CLIP2: variants seen among roughly 807,000 people sequenced by gnomAD.
CLIP2 encodes CAP-Gly domain containing linker protein 2.
Under a neutral mutation model 111.7 loss-of-function variants are expected in CLIP2, and 41 were observed. That is an observed-to-expected ratio of 0.37 (90% CI 0.29 to 0.48). CLIP2 has a LOEUF of 0.48. Ranked by LOEUF, CLIP2 falls within the 20% of genes least tolerant of loss-of-function variation. CLIP2 has a pLI of 0.99. For missense variants in CLIP2, 1,160 were observed against 1,422.1 expected (o/e 0.82, Z 2.96); for synonymous variants, 660 against 644.2 (o/e 1.02, Z -0.37).
At position 74,372,953 on chromosome 7, in the gene CLIP2, G is replaced by A. The variant is rs782615936; in HGVS notation, c.1402G>A (p.Ala468Thr). The change falls in exon 9 of 17, where the codon GCG becomes ACG. Residue 468 changes from alanine (A) to threonine (T), a missense_variant. Transcript: ENST00000223398. ...DLETQTQLEH[A>T]RIGELEQSLL... is the part of the protein sequence containing the mutation. Reference sequence around the variant, plus strand: ...CCAGACCCAGACGCAGCTGGAGCACGCGCGCATTGGGGAGCTGGAACAGAG... The same window carrying A: ...CCAGACCCAGACGCAGCTGGAGCACACGCGCATTGGGGAGCTGGAACAGAG... 12 of 1,386,044 alleles carry A rather than the reference G, an allele frequency of 8.7e-6. No homozygotes were observed. The highest frequency in any genetic ancestry group is 4.9e-5 in the African/African-American group (3 of 61,790). The allele number at this position is 1,386,044 out of a possible 1,614,324, so 85.9% of individuals were successfully genotyped here.
chr7:74,337,530 G>A (rs1455971163), intron 2 of CLIP2, among the ~76,000 whole-genome samples: 1 of 152,068 alleles, frequency 6.6e-6, no homozygotes, highest in African/African-American at 2.4e-5. Context: ...TGTAATCCTT[G>A]AGAACGGGTT....
chr7:74,320,216 A>G (rs1226468741), intron 2 of CLIP2, among the ~76,000 whole-genome samples: 3 of 123,552 alleles, frequency 2.4e-5, no homozygotes, highest in Non-Finnish European at 3.5e-5. Context: ...AAAAAAAAAA[A>G]GAAAGAAAAA....
chr7:74,370,467 A>C (rs1790586179), intron 8 of CLIP2, among the ~76,000 whole-genome samples: 1 of 152,002 alleles, frequency 6.6e-6, no homozygotes, highest in Admixed American at 6.6e-5. Context: ...AAAAAAAAAA[A>C]AAAACTAATT....
chr7:74,305,908 C>T (rs942998365), intron 1 of CLIP2, among the ~76,000 whole-genome samples: 2 of 144,690 alleles, frequency 1.4e-5, no homozygotes, highest in Admixed American at 7.1e-5. Flanking sequence ...GCTCCCAGAG[C>T]GGTCTTGCTG....
intron 2 of CLIP2, among the ~76,000 whole-genome samples, chr7:74,319,643 C>T (rs543958896): frequency 2.6e-5 from 4 of 151,860 alleles, no homozygotes; most frequent in South Asian, 4.2e-4. Context: ...CATAGTGAGA[C>T]CCCAGCTCTA....
chr7:74,375,888 T>G lies in CLIP2; in HGVS notation c.1487T>G (p.Leu496Arg). Residue 496 changes from leucine (L) to arginine (R), a missense_variant and splice_region_variant, in exon 10 of 17, where the codon CTG (leucine) becomes CGG (arginine). By Grantham distance (102) the Leu-to-Arg change is moderately radical. Transcript: ENST00000223398. ...RLLRELADNRLTTVAEKSRVL... is the reference protein window; with the variant it reads ...RLLRELADNRRTTVAEKSRVL... ...CCCTGTCTCCCTCTCTCCCCACAGC[T>G]GACCACAGTGGCCGAGAAGTCGCGC... 1 of 1,541,748 alleles carries G rather than the reference T, an allele frequency of 6.5e-7. No homozygotes were observed. The highest frequency in any genetic ancestry group is 2.0e-5 in the Admixed American group (1 of 50,648).
rs116628179 is a variant in CLIP2, at chr7:74,318,221, G to A, written c.121+554G>A. 9.2e-3 allele frequency among the ~76,000 whole-genome samples: 1,393 copies of A among 152,174 alleles called. 25 individuals are homozygous for A. The highest frequency in any genetic ancestry group is 0.032 in the African/African-American group (1,313 of 41,546). On this transcript the variant is annotated intron_variant, in intron 2 of 16. Coordinates refer to ENST00000223398, the MANE Select transcript of CLIP2 (RefSeq NM_003388.5). ...CAAATGCTCAGAGGCAGAAAGGAGC[G>A]TCATGCGTACAGAAGAGGGAGAGAG...
At chr7:74,337,052 AT>A (rs1554732251) in intron 2 of CLIP2, among the ~76,000 whole-genome samples, 1 of 151,464 alleles carries the variant, frequency 6.6e-6, no homozygotes, top group African/African-American at 2.4e-5. Context: ...CATCCGGCTA[AT>A]TTTTTTGTAT....
At chr7:74,349,468 GTGTATATATATA>G (rs1358701318) in intron 3 of CLIP2, among the ~76,000 whole-genome samples, 40 of 61,778 alleles carry the variant, frequency 6.5e-4, no homozygotes, top group East Asian at 1.3e-3. Flanking sequence ...GTGTGTGTGT[GTGTATATATATA>G]TATATATATA....
chr7:74,382,620 C>T (rs1790978411), intron 11 of CLIP2, among the ~76,000 whole-genome samples: 1 of 151,456 alleles, frequency 6.6e-6, no homozygotes, highest in Non-Finnish European at 1.5e-5. Flanking sequence ...CTTCTATTTG[C>T]ATTTCTATTT....
chr7:74,397,928 A>G, intron 14 of CLIP2, among the ~76,000 whole-genome samples: 1 of 151,444 alleles, frequency 6.6e-6, no homozygotes. Flanking sequence ...CGGCCTCCCA[A>G]AGTGGTGGGA....
At chr7:74,342,079 G>GAT (rs1789671216) in intron 3 of CLIP2, among the ~76,000 whole-genome samples, 1 of 152,126 alleles carries the variant, frequency 6.6e-6, no homozygotes, top group African/African-American at 2.4e-5. Flanking sequence ...AGAGACTAGA[G>GAT]AAACTGTGAG....
At chr7:74,359,512 C>A (rs570326761) in intron 6 of CLIP2, among the ~76,000 whole-genome samples, 1 of 151,754 alleles carries the variant, frequency 6.6e-6, no homozygotes, top group Non-Finnish European at 1.5e-5. Flanking sequence ...CACCACCACG[C>A]CCAGCTAATG....
At position 74,297,193 on chromosome 7, in the gene CLIP2, C is replaced by A. The variant is rs549751713; in HGVS notation, c.-68+7459C>A. Among the ~76,000 whole-genome samples the A allele has an allele frequency of 3.3e-5, 5 of 152,292 alleles. No homozygotes were observed. In the East Asian group the frequency reaches 7.7e-4, roughly 24 times the overall value. On this transcript the variant is annotated intron_variant, in intron 1 of 16. Transcript: ENST00000223398. ...CTGTCCCAACAAGAGCAGGGACCAG[C>A]TGGGTGTGGTGGCTCACACCTGTAA...
intron 1 of CLIP2, among the ~76,000 whole-genome samples, chr7:74,290,983 G>A (rs1402329064): frequency 6.6e-6 from 1 of 152,198 alleles, no homozygotes; most frequent in Non-Finnish European, 1.5e-5. Context: ...GCATCTTGCA[G>A]AAGTTTGCTG....
intron 10 of CLIP2, among the ~76,000 whole-genome samples, chr7:74,378,645 C>A (rs1790862459): frequency 6.6e-6 from 1 of 152,100 alleles, no homozygotes; most frequent in Non-Finnish European, 1.5e-5. Flanking sequence ...GAGGCTGAGG[C>A]AAGAGGATCA....
chr7:74,341,888 C>T (rs1789666183), intron 3 of CLIP2, among the ~76,000 whole-genome samples: 1 of 152,138 alleles, frequency 6.6e-6, no homozygotes, highest in Non-Finnish European at 1.5e-5. Flanking sequence ...GGCCAGTGAT[C>T]GCAGACATCA....
chr7:74,392,515 C>T (rs1791321192), intron 13 of CLIP2, among the ~76,000 whole-genome samples: 1 of 151,758 alleles, frequency 6.6e-6, no homozygotes, highest in African/African-American at 2.4e-5. Context: ...CAGAGCAAGA[C>T]CCTGTCTCAA....
chr7:74,307,434 C>G (rs1324464299), intron 1 of CLIP2, among the ~76,000 whole-genome samples: 1 of 152,194 alleles, frequency 6.6e-6, no homozygotes, highest in African/African-American at 2.4e-5. Flanking sequence ...TGTGCAGGGG[C>G]TGGGGAGGAC....
Sources: allele counts gnomAD v4.1 joint callset (sites outside exome capture counted in the v4.1 genomes callset), GRCh38; gene constraint gnomAD v4.1.1; transcripts MANE v1.5; gene names NCBI Gene and HGNC (gene_info 2026-07-23, HGNC 2026-07-21).